SGMS1: variants seen among roughly 807,000 people sequenced by gnomAD.
SGMS1 encodes the protein phosphatidylcholine:ceramide cholinephosphotransferase 1.
SGMS1 carries 13 observed loss-of-function variants against 46.2 expected under a neutral mutation model. That is an observed-to-expected ratio of 0.28 (90% CI 0.18 to 0.45). The LOEUF (loss-of-function observed/expected upper bound fraction) is 0.45. Ranked by LOEUF, SGMS1 falls within the 20% of genes least tolerant of loss-of-function variation. The pLI is 1.00. For missense variants in SGMS1, 324 were observed against 519.9 expected, an observed-to-expected ratio of 0.62 and a Z score of 3.66; for synonymous variants, 203 against 187.8, an observed-to-expected ratio of 1.08 and a Z score of -0.66.
At chr10:50,501,006 A>G (rs1395761042) in intron 3 of SGMS1, among the ~76,000 whole-genome samples, 1 of 152,214 alleles carries the variant, frequency 6.6e-6, no homozygotes, top group Non-Finnish European at 1.5e-5. Flanking sequence ...CAATTAACCA[A>G]TGCTGGGAAG....
intron 5 of SGMS1, among the ~76,000 whole-genome samples, chr10:50,450,079 A>C (rs1837087473): frequency 6.6e-6 from 1 of 152,246 alleles, no homozygotes; most frequent in African/African-American, 2.4e-5. Context: ...AACCATTAAT[A>C]GAATTTTTTT....
intron 2 of SGMS1, among the ~76,000 whole-genome samples, chr10:50,587,534 G>A (rs1418561861): frequency 6.6e-6 from 1 of 152,146 alleles, no homozygotes; most frequent in African/African-American, 2.4e-5. Flanking sequence ...TCGGGAGGAA[G>A]AATCGCTTGA....
chr10:50,609,331 G>T lies in SGMS1; in HGVS notation c.-684+14376C>A, dbSNP rs953371520. ...TTCCCCAAATATTTTCAATCTATGT[G>T]ATTGAATCTGTGGTTGCAGAACCCA... On this transcript the variant is annotated intron_variant, in intron 1 of 10. Transcript: ENST00000361781. 1.3e-4 allele frequency among the ~76,000 whole-genome samples: 20 copies of T among 152,122 alleles called. No homozygotes were observed. The South Asian group carries it at 1.9e-3, about 14-fold the overall frequency.
chr10:50,514,947 T>C (rs1303983146), intron 3 of SGMS1, among the ~76,000 whole-genome samples: 1 of 152,228 alleles, frequency 6.6e-6, no homozygotes, highest in South Asian at 2.1e-4. Context: ...AAAGTTATTC[T>C]GTAGGAATTT....
At chr10:50,557,396 T>C (rs999390887) in intron 2 of SGMS1, among the ~76,000 whole-genome samples, 1 of 152,160 alleles carries the variant, frequency 6.6e-6, no homozygotes, top group Non-Finnish European at 1.5e-5. Flanking sequence ...TTGAGTGATA[T>C]GCTTTTAAAA....
At chr10:50,611,515 CA>C (rs1838749136) in intron 1 of SGMS1, among the ~76,000 whole-genome samples, 1 of 152,204 alleles carries the variant, frequency 6.6e-6, no homozygotes, top group South Asian at 2.1e-4. Context: ...GGTGTCCTGA[CA>C]TCTTACAAAT....
Position 50,344,175 on chromosome 10 carries a change from C to T in SGMS1, c.-61G>A, listed in dbSNP as rs114804713. 1.8e-4 allele frequency: 268 copies of T among 1,530,238 alleles called. No homozygotes were observed. In the African/African-American group the frequency reaches 3.4e-3, roughly 19 times the overall value. 94.8% of individuals were successfully genotyped at this position (1,530,238 alleles called of 1,614,324 possible). On this transcript the variant is annotated 5_prime_UTR_variant, in exon 7 of 11. Coordinates refer to ENST00000361781, the MANE Select transcript of SGMS1 (RefSeq NM_147156.4). ...CTTGGCAGGTCAGCAGTCACTGTTCCGACAGGGCAGGACACTGTCCTGCCT... is the reference window on the plus strand; with the variant it reads ...CTTGGCAGGTCAGCAGTCACTGTTCTGACAGGGCAGGACACTGTCCTGCCT...
At chr10:50,327,533 A>G (rs1177503407) in intron 7 of SGMS1, among the ~76,000 whole-genome samples, 1 of 152,346 alleles carries the variant, frequency 6.6e-6, no homozygotes, top group Admixed American at 6.5e-5. Flanking sequence ...TTAACTGGCC[A>G]AAAGTGCTTA....
At chr10:50,320,685 A>G (rs983085965) in intron 8 of SGMS1, among the ~76,000 whole-genome samples, 4 of 152,184 alleles carry the variant, frequency 2.6e-5, no homozygotes, top group African/African-American at 9.7e-5. Context: ...ATAAGATCCC[A>G]TGTCCAGATA....
chr10:50,597,722 C>A (rs946872588), intron 1 of SGMS1, among the ~76,000 whole-genome samples: 9 of 151,936 alleles, frequency 5.9e-5, no homozygotes, highest in African/African-American at 2.2e-4. Flanking sequence ...TGTTAAAATT[C>A]ACAGAACTGG....
intron 6 of SGMS1, among the ~76,000 whole-genome samples, chr10:50,420,030 C>T (rs1849234541): frequency 6.6e-6 from 1 of 152,216 alleles, no homozygotes; most frequent in African/African-American, 2.4e-5. Context: ...ACTGCTTCAT[C>T]TCTCTCTGAG....
At chr10:50,565,953 T>C (rs2983362) in intron 2 of SGMS1, among the ~76,000 whole-genome samples, 128,541 of 152,236 alleles carry the variant, frequency 0.84, 54,356 homozygotes, top group East Asian at 1. Context: ...CTGAACAGTG[T>C]CATCAGGGTG....
intron 2 of SGMS1, among the ~76,000 whole-genome samples, chr10:50,537,552 A>T (rs1015987291): frequency 5.3e-5 from 8 of 151,882 alleles, no homozygotes; most frequent in African/African-American, 1.9e-4. Context: ...GGTGTGCTGC[A>T]CCCATTAACT....
intron 7 of SGMS1, among the ~76,000 whole-genome samples, chr10:50,338,249 A>G (rs1342824716): frequency 6.6e-6 from 1 of 152,022 alleles, no homozygotes; most frequent in East Asian, 1.9e-4. Flanking sequence ...TCTACCCCTG[A>G]CCCCAACCCA....
At chr10:50,591,726 C>T (rs1466024859) in intron 1 of SGMS1, among the ~76,000 whole-genome samples, 1 of 152,186 alleles carries the variant, frequency 6.6e-6, no homozygotes, top group African/African-American at 2.4e-5. Flanking sequence ...TGAGGATTTT[C>T]CTTTCATTTT....
intron 2 of SGMS1, among the ~76,000 whole-genome samples, chr10:50,540,237 T>G (rs548488388): frequency 8.5e-4 from 130 of 152,278 alleles, no homozygotes; most frequent in Non-Finnish European, 1.4e-3. Flanking sequence ...TCATGCCACA[T>G]GCCAATTCAC....
chr10:50,481,814 G>T (rs917119329), intron 3 of SGMS1, among the ~76,000 whole-genome samples: 7 of 152,104 alleles, frequency 4.6e-5, no homozygotes, highest in African/African-American at 1.4e-4. Context: ...AGAATAATCA[G>T]TTTAGAGAGG....
intron 2 of SGMS1, among the ~76,000 whole-genome samples, chr10:50,567,010 G>A (rs181248182): frequency 2.0e-5 from 3 of 151,942 alleles, no homozygotes; most frequent in Non-Finnish European, 2.9e-5. Flanking sequence ...GCAGTGGCGC[G>A]ATCTTGGCTC....
At chr10:50,566,051 G>T (rs1838285464) in intron 2 of SGMS1, among the ~76,000 whole-genome samples, 1 of 152,240 alleles carries the variant, frequency 6.6e-6, no homozygotes, top group South Asian at 2.1e-4. Context: ...GTATTCCTTT[G>T]ATAACTGCTG....
Sources: gnomAD v4.1 joint callset for allele counts (sites outside exome capture counted in the v4.1 genomes callset) on GRCh38, gnomAD v4.1.1 for gene constraint, MANE v1.5 for transcripts, NCBI Gene and HGNC (gene_info 2026-07-23, HGNC 2026-07-21) for gene names.